Variants in PTPRD observed in about 807,000 individuals in gnomAD.
PTPRD encodes protein tyrosine phosphatase receptor type D, also known as receptor-type tyrosine-protein phosphatase delta.
In PTPRD, 34 loss-of-function variants were observed where a neutral mutation model predicts 214.5. The observed-to-expected ratio is 0.16, with a 90% CI of 0.12 to 0.21. The LOEUF is 0.21. Ranked by LOEUF, PTPRD falls within the 10% of genes least tolerant of loss-of-function variation. PTPRD has a pLI of 1.00. For missense variants in PTPRD, 2,545 were observed against 2,398.7 expected, an observed-to-expected ratio of 1.06 and a Z score of -1.27; for synonymous variants, 1,128 against 845.7, an observed-to-expected ratio of 1.33 and a Z score of -5.79.
Position 9,381,176 on chromosome 9 carries a change from G to A in PTPRD, c.-203+16273C>T, listed in dbSNP as rs147546422. Among the ~76,000 whole-genome samples the A allele has an allele frequency of 4.2e-3, 634 of 151,982 alleles. 3 individuals are homozygous for A. The highest frequency in any genetic ancestry group is 0.014 in the African/African-American group (600 of 41,476). On this transcript the variant is annotated intron_variant, in intron 9 of 45. Coordinates refer to ENST00000381196, the MANE Select transcript of PTPRD (RefSeq NM_002839.4). ...TTTTAATTTGTGCACTTAGACCATT[G>A]TTCTTCAAAGTCATTATTGATATAG...
intron 5 of PTPRD, among the ~76,000 whole-genome samples, chr9:9,920,615 G>A (rs903259376): frequency 1.3e-5 from 2 of 152,114 alleles, no homozygotes; most frequent in Admixed American, 6.6e-5. Context: ...CACCATGGTA[G>A]CCCCTAGTGG....
At chr9:9,663,582 T>C (rs1265875247) in intron 7 of PTPRD, among the ~76,000 whole-genome samples, 3 of 151,558 alleles carry the variant, frequency 2.0e-5, no homozygotes, top group Admixed American at 1.3e-4. Flanking sequence ...TAGTGAACAA[T>C]GTCACCATCT....
At chr9:8,523,619 G>T in intron 18 of PTPRD, 95 bp from the exon 19 acceptor site, 1 of 1,275,528 alleles carries the variant, frequency 7.8e-7, no homozygotes, top group Non-Finnish European at 1.1e-6. Context: ...CCATATCAAG[G>T]CTTTCAACTG....
chr9:9,438,610 G>T (rs1176856213), intron 8 of PTPRD, among the ~76,000 whole-genome samples: 1 of 152,028 alleles, frequency 6.6e-6, no homozygotes, highest in Non-Finnish European at 1.5e-5. Context: ...CTAAGTCTCT[G>T]GACTATGATG....
chr9:9,900,644 T>TTTTTTTTTGTTTTG (rs369510362), intron 5 of PTPRD, among the ~76,000 whole-genome samples: 1 of 143,860 alleles, frequency 7.0e-6, no homozygotes, highest in Admixed American at 6.7e-5. Context: ...TTTTCAGGTT[T>TTTTTTTTTGTTTTG]TTTTTTTTTT....
chr9:8,697,384 TG>T (rs1277927300), intron 12 of PTPRD, among the ~76,000 whole-genome samples: 1 of 150,818 alleles, frequency 6.6e-6, no homozygotes, highest in Non-Finnish European at 1.5e-5. Flanking sequence ...GTTGTTGATT[TG>T]GGATTTTTTA....
chr9:9,129,705 C>T (rs2099839640), intron 10 of PTPRD, among the ~76,000 whole-genome samples: 1 of 152,180 alleles, frequency 6.6e-6, no homozygotes, highest in African/African-American at 2.4e-5. Flanking sequence ...GAGTTAGTCA[C>T]TAGCCAGATT....
chr9:10,169,473 C>CAAAAAAAAAAAAAAAAAAAAAAAA (rs59335943), intron 3 of PTPRD, among the ~76,000 whole-genome samples: 8 of 66,842 alleles, frequency 1.2e-4, no homozygotes, highest in African/African-American at 5.7e-4. Flanking sequence ...GACTCTGTCT[C>CAAAAAAAAAAAAAAAAAAAAAAAA]AAAAAAAAAA....
chr9:8,562,032 A>C (rs888457290), intron 14 of PTPRD, among the ~76,000 whole-genome samples: 1 of 152,174 alleles, frequency 6.6e-6, no homozygotes, highest in East Asian at 1.9e-4. Context: ...GAATAACCTA[A>C]TATCAATTGG....
chr9:9,781,645 T>A (rs1356773407), intron 5 of PTPRD, among the ~76,000 whole-genome samples: 1 of 152,170 alleles, frequency 6.6e-6, no homozygotes, highest in Non-Finnish European at 1.5e-5. Flanking sequence ...CCCTGAATTA[T>A]GCTGAAACTT....
At chr9:10,427,832 G>A (rs553463464) in intron 2 of PTPRD, among the ~76,000 whole-genome samples, 1 of 152,072 alleles carries the variant, frequency 6.6e-6, no homozygotes, top group South Asian at 2.1e-4. Context: ...CTACCTCCAT[G>A]TGAATTATTT....
chr9:9,443,624 C>A (rs995438507), intron 8 of PTPRD, among the ~76,000 whole-genome samples: 1 of 152,172 alleles, frequency 6.6e-6, no homozygotes, highest in Non-Finnish European at 1.5e-5. Context: ...CTTGGAGAAG[C>A]CATGAGAACA....
In PTPRD at chr9:9,815,921, A is replaced by T. The variant is rs12552604; in HGVS notation, c.-367-49070T>A. Among the ~76,000 whole-genome samples, 850 of 152,300 alleles carry T rather than the reference A, an allele frequency of 5.6e-3. 18 individuals are homozygous for T. Among genetic ancestry groups the T allele is most frequent in the East Asian group, 0.042 (220 of 5,180 alleles). On this transcript the variant is annotated intron_variant, in intron 5 of 45. Transcript: ENST00000381196. Reference sequence around the variant, plus strand: ...AAGATACTAAGTGTTCTCACCACACATACACAAATGGTAGCTATGTGAGGT... The same window carrying T: ...AAGATACTAAGTGTTCTCACCACACTTACACAAATGGTAGCTATGTGAGGT...
At chr9:9,250,655 T>G (rs990867111) in intron 9 of PTPRD, among the ~76,000 whole-genome samples, 1 of 152,124 alleles carries the variant, frequency 6.6e-6, no homozygotes, top group East Asian at 1.9e-4. Flanking sequence ...TCAGAAAATT[T>G]GGTCTGCCTT....
intron 20 of PTPRD, among the ~76,000 whole-genome samples, chr9:8,520,082 T>G (rs1184811735): frequency 1.3e-5 from 2 of 152,190 alleles, no homozygotes; most frequent in Non-Finnish European, 2.9e-5. Context: ...TGCTCCAGAT[T>G]TCCCCTACAT....
chr9:9,284,451 T>G (rs1035864432), intron 9 of PTPRD, among the ~76,000 whole-genome samples: 1 of 151,656 alleles, frequency 6.6e-6, no homozygotes, highest in African/African-American at 2.4e-5. Flanking sequence ...TCTCCAGAAC[T>G]GATCAGCTTA....
At chr9:10,156,685 C>G (rs945211141) in intron 3 of PTPRD, among the ~76,000 whole-genome samples, 4 of 152,138 alleles carry the variant, frequency 2.6e-5, no homozygotes, top group Non-Finnish European at 5.9e-5. Flanking sequence ...TCCTCAATAT[C>G]TTTGTTAATT....
At chr9:10,238,034 T>TC (rs56674353) in intron 3 of PTPRD, among the ~76,000 whole-genome samples, 56,785 of 144,766 alleles carry the variant, frequency 0.39, 12,536 homozygotes, top group Non-Finnish European at 0.5. Context: ...CCATTTGCTT[T>TC]TTTTTTTAAA....
rs372501701 is a variant in PTPRD at position 8,711,886 on chromosome 9, T to C, written c.64+21894A>G. On this transcript the variant is annotated intron_variant, in intron 12 of 45. Coordinates refer to ENST00000381196, the MANE Select transcript of PTPRD (RefSeq NM_002839.4). ...ATAATGCTACGCAAGCAATGATCTA[T>C]TGATTTATGCAACAACATGGATGAA... Among the ~76,000 whole-genome samples, 23 of 152,344 alleles carry C rather than the reference T, an allele frequency of 1.5e-4. No homozygotes were observed. In the East Asian group the frequency reaches 1.9e-3, roughly 13 times the overall value.
Sources: gnomAD v4.1 joint callset for allele counts (sites outside exome capture counted in the v4.1 genomes callset) on GRCh38, gnomAD v4.1.1 for gene constraint, MANE v1.5 for transcripts, NCBI Gene and HGNC (gene_info 2026-07-23, HGNC 2026-07-21) for gene names.